MAT1A: variants seen among roughly 807,000 people sequenced by gnomAD.
The protein encoded by MAT1A is methionine adenosyltransferase 1A, also known as S-adenosylmethionine synthase isoform type-1.
A neutral mutation model predicts 44.0 loss-of-function variants in MAT1A; 19 were observed. The ratio of observed to expected loss-of-function variants is 0.43; its 90% CI spans 0.30 to 0.63. The LOEUF is 0.63. Ranked by LOEUF, MAT1A falls within the 30% of genes least tolerant of loss-of-function variation. MAT1A has a pLI of 0.12. For synonymous variants in MAT1A, 205 were observed against 205.6 expected (o/e 1.00, Z 0.03); for missense variants, 397 against 531.0 (o/e 0.75, Z 2.48).
chr10:80,286,952 G>GTTTA (rs1207194450), intron 1 of MAT1A, among the ~76,000 whole-genome samples: 1 of 152,208 alleles, frequency 6.6e-6, no homozygotes, highest in Non-Finnish European at 1.5e-5. Context: ...TTGTTTGTTT[G>GTTTA]TTTAATCTAG....
intron 5 of MAT1A, among the ~76,000 whole-genome samples, chr10:80,279,334 G>A (rs1352470591): frequency 6.6e-6 from 1 of 152,116 alleles, no homozygotes; most frequent in African/African-American, 2.4e-5. Flanking sequence ...CAGGACGGGG[G>A]AAGGGCAGGA....
chr10:80,289,488 G>GT lies in MAT1A; in HGVS notation c.-66dup, dbSNP rs367639318. The GT allele has an allele frequency of 5.2e-4, 575 of 1,103,604 alleles. 3 individuals are homozygous for GT. The highest frequency in any genetic ancestry group is 2.3e-4 in the Non-Finnish European group (174 of 751,062). The allele number at this position is 1,103,604 out of a possible 1,614,324, so 68.4% of individuals were successfully genotyped here. On this transcript the variant is annotated 5_prime_UTR_variant, in exon 1 of 9. Transcript: ENST00000372213. The stretch of plus-strand genomic sequence containing the variant: ...ATTTTGAGGCTGTGACTTTGCCTGA[G>GT]TTTTTTTTTCTTCTTCTTCTTCTTC...
intron 7 of MAT1A, 86 bp downstream of exon 7, chr10:80,274,931 C>A: frequency 6.8e-7 from 1 of 1,475,342 alleles, no homozygotes; most frequent in South Asian, 1.2e-5. Flanking sequence ...GCAGCTTTCC[C>A]ACCGGGCCAA....
Position 80,272,975 on chromosome 10 carries a change from G to C in MAT1A, c.*806C>G, listed in dbSNP as rs1314537614. 6.6e-6 allele frequency: 1 copy of C among 152,214 alleles called. No individual in the cohort carries two copies. The highest frequency in any genetic ancestry group is 1.5e-5 in the Non-Finnish European group (1 of 68,062). The allele number at this position is 152,214 out of a possible 1,614,324, so 9.4% of individuals were successfully genotyped here. A position where few individuals can be genotyped will look rare whatever the true frequency, so the allele number is the denominator to read the frequency against. ...AATTTCCAGTAACCTCAGGCCTTCAGGACAGAGTCCATGGCCTCATTTCTG... is the reference window on the plus strand; with the variant it reads ...AATTTCCAGTAACCTCAGGCCTTCACGACAGAGTCCATGGCCTCATTTCTG... On this transcript the variant is annotated 3_prime_UTR_variant, in exon 9 of 9. Coordinates refer to ENST00000372213, the MANE Select transcript of MAT1A (RefSeq NM_000429.3).
intron 5 of MAT1A, among the ~76,000 whole-genome samples, chr10:80,278,024 A>C (rs1213064709): frequency 6.6e-6 from 1 of 152,160 alleles, no homozygotes; most frequent in Non-Finnish European, 1.5e-5. Flanking sequence ...GGACCTAGAC[A>C]AGCTGTGCCT....
Position 80,289,359 on chromosome 10 carries a change from G to A in MAT1A, c.65C>T (p.Ser22Leu), listed in dbSNP as rs1242659514. The A allele has an allele frequency of 3.7e-6, 6 of 1,614,102 alleles. No homozygotes were observed. Among genetic ancestry groups the A allele is most frequent in the Admixed American group, 1.7e-5 (1 of 60,010 alleles). Residue 22 changes from serine (S) to leucine (L), a missense_variant, in exon 1 of 9, where the codon TCG becomes TTG. Ser to Leu is a moderately radical substitution (Grantham distance 145). Coordinates refer to ENST00000372213, the MANE Select transcript of MAT1A (RefSeq NM_000429.3). ...SLSEGVFMFT[S>L]ESVGEGHPDK... ...CGGGTGTCCCTCTCCCACAGACTCC[G>A]ATGTGAACATGAAGACTCCTTCACT...
chr10:80,281,952 AC>A (rs1262176432), intron 3 of MAT1A, among the ~76,000 whole-genome samples: 2 of 152,064 alleles, frequency 1.3e-5, no homozygotes, highest in African/African-American at 2.4e-5. Flanking sequence ...ATGTCCCTGG[AC>A]CTGCCTGCAG....
Position 80,289,320 on chromosome 10 carries a change from A to T in MAT1A, c.91+13T>A. On this transcript the variant is annotated intron_variant, in intron 1 of 8. Transcript: ENST00000372213. Reference sequence around the variant, plus strand: ...ATGATCGTTTTCCAGTCAGTCCAAGACAGCCTACTTACCCGGGTGTCCCTC... The same window carrying T: ...ATGATCGTTTTCCAGTCAGTCCAAGTCAGCCTACTTACCCGGGTGTCCCTC... 6.2e-7 allele frequency: 1 copy of T among 1,610,814 alleles called. No individual in the cohort carries two copies. Among genetic ancestry groups the T allele is most frequent in the Non-Finnish European group, 8.5e-7 (1 of 1,176,958 alleles).
chr10:80,276,284 C>A, intron 6 of MAT1A, 92 bp downstream of exon 6: 1 of 1,344,074 alleles, frequency 7.4e-7, no homozygotes, highest in South Asian at 1.2e-5. Flanking sequence ...CTGACCCCCT[C>A]CAAGCTATCT....
intron 5 of MAT1A, 56 bp downstream of exon 5, chr10:80,280,117 T>G: frequency 1.0e-5 from 16 of 1,575,054 alleles, no homozygotes; most frequent in Non-Finnish European, 1.4e-5. Context: ...ATCAAGAGGA[T>G]TTGGGGGTAT....
At chr10:80,280,058 TTGAA>T (rs1841541853) in intron 5 of MAT1A, 111 bp downstream of exon 5, 1 of 1,275,036 alleles carries the variant, frequency 7.8e-7, no homozygotes, top group East Asian at 2.3e-5. Context: ...TGACCATTCT[TTGAA>T]TGCCCAGATT....
At position 80,275,146 on chromosome 10, in the gene MAT1A, C is replaced by A. The variant is rs1366915768; in HGVS notation, c.822G>T (p.Trp274Cys). The change falls in exon 7 of 9, where the codon TGG becomes TGT. Residue 274 changes from tryptophan to cysteine, a missense_variant. By Grantham distance (215) the Trp-to-Cys change is radical. Transcript: ENST00000372213. ...RKIIVDTYGG[W>C]GAHGGGAFSG... ...AGAAGGCCCCACCACCATGAGCCCC[C>A]CAGCCGCCATAGGTGTCCACAATAA... The A allele has an allele frequency of 6.2e-7, 1 of 1,613,336 alleles. No homozygotes were observed. Among genetic ancestry groups the A allele is most frequent in the Non-Finnish European group, 8.5e-7 (1 of 1,179,782 alleles).
chr10:80,278,922 G>A (rs1841524203), intron 5 of MAT1A, among the ~76,000 whole-genome samples: 1 of 152,240 alleles, frequency 6.6e-6, no homozygotes. Context: ...AAGGAGAGGT[G>A]AAGACCAGAG....
chr10:80,277,595 G>A (rs936798394), intron 5 of MAT1A, among the ~76,000 whole-genome samples: 16 of 152,192 alleles, frequency 1.1e-4, no homozygotes, highest in Admixed American at 3.3e-4. Flanking sequence ...ATCTGGGGTA[G>A]GGGACTCCCA....
At chr10:80,285,344 C>T (rs550378360) in intron 2 of MAT1A, among the ~76,000 whole-genome samples, 168 bp downstream of exon 2, 1 of 152,292 alleles carries the variant, frequency 6.6e-6, no homozygotes, top group African/African-American at 2.4e-5. Context: ...AAATGTTTTT[C>T]CTCCCTGTTA....
At chr10:80,274,928 T>C in intron 7 of MAT1A, 89 bp downstream of exon 7, 1 of 1,467,238 alleles carries the variant, frequency 6.8e-7, no homozygotes, top group Non-Finnish European at 9.3e-7. Context: ...CATGCAGCTT[T>C]CCCACCGGGC....
At chr10:80,277,410 C>A (rs1227482568) in intron 5 of MAT1A, among the ~76,000 whole-genome samples, 1 of 152,222 alleles carries the variant, frequency 6.6e-6, no homozygotes, top group Non-Finnish European at 1.5e-5. Flanking sequence ...CAAACTCCTA[C>A]TCTGTGTTCT....
intron 1 of MAT1A, among the ~76,000 whole-genome samples, chr10:80,289,078 A>C (rs113017705): frequency 6.6e-6 from 1 of 152,224 alleles, no homozygotes; most frequent in African/African-American, 2.4e-5. Context: ...TCCATTGCGC[A>C]GTAGGGTGAC....
At chr10:80,278,270 C>T (rs2132704075) in intron 5 of MAT1A, among the ~76,000 whole-genome samples, 1 of 141,192 alleles carries the variant, frequency 7.1e-6, no homozygotes, top group South Asian at 2.6e-4. Flanking sequence ...ACCCTCCCTT[C>T]CTTGCTGACC....
Sources: gnomAD v4.1 joint callset for allele counts (sites outside exome capture counted in the v4.1 genomes callset) on GRCh38, gnomAD v4.1.1 for gene constraint, MANE v1.5 for transcripts, NCBI Gene and HGNC (gene_info 2026-07-23, HGNC 2026-07-21) for gene names.